The following FRAS1 variants were observed in gnomAD, a reference collection of about 807,000 sequenced individuals.
FRAS1 encodes extracellular matrix organizing protein FRAS1.
FRAS1 carries 290 observed loss-of-function variants against 435.2 expected under a neutral mutation model. That is an observed-to-expected ratio of 0.67 (90% CI 0.61 to 0.73). The LOEUF (loss-of-function observed/expected upper bound fraction) is 0.73. Among genes scored for constraint, FRAS1 ranks in the 30% least tolerant of loss-of-function variants. FRAS1 has a pLI of 0.00. For missense variants in FRAS1, 4,860 were observed against 5,001.5 expected (o/e 0.97, Z 0.85); for synonymous variants, 1,800 against 1,851.0 (o/e 0.97, Z 0.71).
intron 2 of FRAS1, among the ~76,000 whole-genome samples, chr4:78,116,855 G>A (rs1743224549): frequency 6.6e-6 from 1 of 152,164 alleles, no homozygotes; most frequent in Non-Finnish European, 1.5e-5. Context: ...TGTTATGTGT[G>A]AATTTGATCC....
intron 2 of FRAS1, among the ~76,000 whole-genome samples, chr4:78,185,830 C>G (rs139237555): frequency 2.6e-5 from 4 of 152,202 alleles, no homozygotes; most frequent in African/African-American, 9.6e-5. Context: ...TGTTCTCAGA[C>G]TCTCTTGTCC....
intron 23 of FRAS1, among the ~76,000 whole-genome samples, chr4:78,371,967 G>T (rs2110307793): frequency 6.6e-6 from 1 of 152,170 alleles, no homozygotes; most frequent in Middle Eastern, 3.4e-3. Flanking sequence ...TGGATTATTT[G>T]CATGCACATT....
chr4:78,509,067 G>T, intron 63 of FRAS1, 61 bp downstream of exon 63: 1 of 1,366,552 alleles, frequency 7.3e-7, no homozygotes. Context: ...GTTGTTCTTT[G>T]TTACTCAGAT....
chr4:78,437,105 A>G (rs973531819), intron 38 of FRAS1, among the ~76,000 whole-genome samples: 2 of 152,200 alleles, frequency 1.3e-5, no homozygotes, highest in African/African-American at 2.4e-5. Flanking sequence ...TACTTTCAGG[A>G]AAAAAGTCTA....
At chr4:78,528,721 C>T (rs1208584354) in intron 70 of FRAS1, among the ~76,000 whole-genome samples, 1 of 152,176 alleles carries the variant, frequency 6.6e-6, no homozygotes, top group Non-Finnish European at 1.5e-5. Context: ...TATGAACCTA[C>T]ATGTACGAGC....
chr4:78,481,970 T>C lies in FRAS1; in HGVS notation c.8604+6T>C. The C allele has an allele frequency of 2.5e-6, 4 of 1,612,394 alleles. No individual in the cohort carries two copies. Among genetic ancestry groups the C allele is most frequent in the Non-Finnish European group, 3.4e-6 (4 of 1,179,524 alleles). ...GGCCTGGTGTCATTGAACAGGTGCG[T>C]TTACAGCAGTCGAGACTCCACAAAG... On this transcript the variant is annotated splice_donor_region_variant and intron_variant, in intron 57 of 73. Transcript: ENST00000512123.
rs60596658 is a variant in FRAS1, at chr4:78,129,567, T to G, written c.108+63551T>G. 4.1e-4 allele frequency among the ~76,000 whole-genome samples: 56 copies of G among 135,132 alleles called. No individual in the cohort carries two copies. In the East Asian group the frequency reaches 0.012, roughly 28 times the overall value. 88.7% of individuals were successfully genotyped at this position (135,132 alleles called of 152,430 possible). A position where few individuals can be genotyped will look rare whatever the true frequency, so the allele number is the denominator to read the frequency against. On this transcript the variant is annotated intron_variant, in intron 2 of 73. Transcript: ENST00000512123. ...AGGGTAGTGGCCATGGCCCCCTGAT[T>G]TGTGAAACTGAATTAGAGAACTAAG...
chr4:78,126,724 A>G (rs568036467), intron 2 of FRAS1, among the ~76,000 whole-genome samples: 1 of 152,262 alleles, frequency 6.6e-6, no homozygotes, highest in East Asian at 1.9e-4. Flanking sequence ...AAGTATTTAT[A>G]TTTTTAATCA....
At chr4:78,103,389 A>C (rs1742229838) in intron 2 of FRAS1, among the ~76,000 whole-genome samples, 1 of 152,092 alleles carries the variant, frequency 6.6e-6, no homozygotes, top group Non-Finnish European at 1.5e-5. Flanking sequence ...CTGGATCTTC[A>C]TGTGTAGCTC....
rs566772833 is a variant in FRAS1, at chr4:78,306,212, G to T, written c.1535-1854G>T. On this transcript the variant is annotated intron_variant, in intron 14 of 73. Coordinates refer to ENST00000512123, the MANE Select transcript of FRAS1 (RefSeq NM_025074.7). ...GGCCCCCACTCTCTTCTGGCTTGTA[G>T]AGTTTCGGCCAAGAGATCCGCTGTT... is the stretch of plus-strand genomic sequence containing the variant. Among the ~76,000 whole-genome samples the T allele has an allele frequency of 6.8e-3, 1,034 of 151,992 alleles. 10 individuals carry two copies. The highest frequency in any genetic ancestry group is 0.023 in the African/African-American group (965 of 41,418).
chr4:78,149,734 A>G (rs1369983712), intron 2 of FRAS1, among the ~76,000 whole-genome samples: 8 of 152,172 alleles, frequency 5.3e-5, no homozygotes, highest in Non-Finnish European at 4.4e-5. Flanking sequence ...TCTCTTTCTC[A>G]GACAGCATTC....
At position 78,498,842 on chromosome 4, in the gene FRAS1, T is replaced by TTTTATTTATTTATTTATTTA. The variant is rs61394042; in HGVS notation, c.9116-875_9116-856dup. 5.6e-3 allele frequency among the ~76,000 whole-genome samples: 831 copies of TTTTATTTATTTATTTATTTA among 147,764 alleles called. 10 individuals carry two copies. Among genetic ancestry groups the TTTTATTTATTTATTTATTTA allele is most frequent in the African/African-American group, 0.02 (787 of 40,158 alleles). ...TTTTTTGGTAAAAATCAATATATTATTTTATTTATTTATTTATTTATTTGA... is the reference window on the plus strand; with the variant it reads ...TTTTTTGGTAAAAATCAATATATTATTTTATTTATTTATTTATTTATTTATTTATTTATTTATTTATTTGA... On this transcript the variant is annotated intron_variant, in intron 60 of 73. Transcript: ENST00000512123.
At chr4:78,329,090 A>C (rs753624177) in intron 18 of FRAS1, among the ~76,000 whole-genome samples, 2 of 152,234 alleles carry the variant, frequency 1.3e-5, no homozygotes, top group Non-Finnish European at 2.9e-5. Flanking sequence ...CTCAGTATCA[A>C]CGTAGACCCA....
chr4:78,095,827 G>T (rs1741775157), intron 2 of FRAS1, among the ~76,000 whole-genome samples: 1 of 152,194 alleles, frequency 6.6e-6, no homozygotes, highest in Non-Finnish European at 1.5e-5. Flanking sequence ...GGAGCTAAAA[G>T]ATGAGATTTG....
At chr4:78,384,461 C>T (rs1732140540) in intron 28 of FRAS1, among the ~76,000 whole-genome samples, 1 of 152,092 alleles carries the variant, frequency 6.6e-6, no homozygotes, top group African/African-American at 2.4e-5. Context: ...CACAAGAAGG[C>T]GACATAACAT....
At position 78,438,910 on chromosome 4, in the gene FRAS1, C is replaced by T; in HGVS notation, c.5375C>T (p.Ala1792Val). 1 of 1,606,316 alleles carries T rather than the reference C, an allele frequency of 6.2e-7. No individual in the cohort carries two copies. Among genetic ancestry groups the T allele is most frequent in the Non-Finnish European group, 8.5e-7 (1 of 1,177,790 alleles). The change falls in exon 40 of 74, where the codon GCT becomes GTT. Residue 1792 changes from alanine (A) to valine (V), a missense_variant. Transcript: ENST00000512123. ...DINNKKIRYS[A>V]VFETDGHLVT... ...TTTTTGTTTTTTTATAGATACTCAG[C>T]TGTGTTTGAAACTGATGGTCATCTG...
chr4:78,134,528 C>A (rs1040889771), intron 2 of FRAS1, among the ~76,000 whole-genome samples: 9 of 152,126 alleles, frequency 5.9e-5, no homozygotes, highest in African/African-American at 2.2e-4. Flanking sequence ...AAGTGGAAAG[C>A]CTGAGAAACT....
Position 78,265,030 on chromosome 4 carries a change from G to T in FRAS1, c.609G>T (p.Glu203Asp). 1 of 1,602,518 alleles carries T rather than the reference G, an allele frequency of 6.2e-7. No homozygotes were observed. Among genetic ancestry groups the T allele is most frequent in the Non-Finnish European group, 8.5e-7 (1 of 1,169,866 alleles). ...TTCCTGTTCTGCGTGTTAAGGATGA[G>T]ACTGTAGTCCGAGTCCCTGGAAAAT... The part of the protein sequence containing the change: ...QCQPLFCNQD[E>D]TVVRVPGKCC... Residue 203 changes from glutamate to aspartate, a missense_variant, in exon 7 of 74, where the codon GAG (glutamate) becomes GAT (aspartate). Physicochemically the swap from Glu to Asp is conservative, Grantham distance 45. Transcript: ENST00000512123.
chr4:78,191,372 T>TGG (rs1722524940), intron 2 of FRAS1, among the ~76,000 whole-genome samples: 1 of 152,226 alleles, frequency 6.6e-6, no homozygotes, highest in East Asian at 1.9e-4. Flanking sequence ...TCTAGCTTTT[T>TGG]GGATCATCAG....
Sources: gnomAD v4.1 joint callset for allele counts (sites outside exome capture counted in the v4.1 genomes callset) on GRCh38, gnomAD v4.1.1 for gene constraint, MANE v1.5 for transcripts, NCBI Gene and HGNC (gene_info 2026-07-23, HGNC 2026-07-21) for gene names.